AGBL1: variants seen among roughly 807,000 people sequenced by gnomAD.
AGBL1 encodes cytosolic carboxypeptidase 4.
AGBL1 carries 130 observed loss-of-function variants against 118.9 expected under a neutral mutation model. That is an observed-to-expected ratio of 1.09 (90% CI 0.95 to 1.26). The LOEUF (loss-of-function observed/expected upper bound fraction) is 1.26. Among genes scored for constraint, AGBL1 ranks in the 50% most tolerant of loss-of-function variants. AGBL1 has a pLI of 0.00. For missense variants in AGBL1, 1,584 were observed against 1,298.1 expected (o/e 1.22, Z -3.38); for synonymous variants, 555 against 478.9 (o/e 1.16, Z -2.08).
At chr15:86,720,341 T>A (rs1442797155) in intron 22 of AGBL1, among the ~76,000 whole-genome samples, 3 of 152,242 alleles carry the variant, frequency 2.0e-5, no homozygotes, top group African/African-American at 7.2e-5. Context: ...TGATTTCTTC[T>A]CTTCAGTTAT....
In AGBL1 at chr15:86,705,510, A is replaced by G. The variant is rs185851828; in HGVS notation, c.3158+31074A>G. Among the ~76,000 whole-genome samples the G allele has an allele frequency of 9.3e-4, 142 of 152,284 alleles. 1 individual carries two copies. The highest frequency in any genetic ancestry group is 3.2e-3 in the African/African-American group (133 of 41,562). ...AGTGTTCTTGCATGGCAAGACCTCC[A>G]TATGTATTGGCTGAATTACTGGAAA... On this transcript the variant is annotated intron_variant, in intron 22 of 22. Coordinates refer to ENST00000614907, the MANE Select transcript of AGBL1 (RefSeq NM_001386094.1).
chr15:86,146,944 T>C (rs375419972), intron 3 of AGBL1, among the ~76,000 whole-genome samples: 7 of 152,326 alleles, frequency 4.6e-5, no homozygotes, highest in African/African-American at 1.7e-4. Flanking sequence ...CTGATAGTGA[T>C]GTATTCTTGC....
chr15:86,310,121 T>G (rs1345454090), intron 17 of AGBL1, among the ~76,000 whole-genome samples: 1 of 152,216 alleles, frequency 6.6e-6, no homozygotes, highest in African/African-American at 2.4e-5. Flanking sequence ...ATTGGTCTTC[T>G]GTTAATATTT....
chr15:86,774,383 A>G (rs1281138200), intron 22 of AGBL1, among the ~76,000 whole-genome samples: 2 of 152,186 alleles, frequency 1.3e-5, no homozygotes, highest in Non-Finnish European at 2.9e-5. Context: ...TGGTTGGGAC[A>G]TAGAAAAAGG....
intron 1 of AGBL1, among the ~76,000 whole-genome samples, chr15:86,137,947 T>C (rs1398646414): frequency 6.6e-6 from 1 of 152,258 alleles, no homozygotes; most frequent in African/African-American, 2.4e-5. Flanking sequence ...CCCAGTTCTA[T>C]ATCCCTGTTG....
intron 20 of AGBL1, among the ~76,000 whole-genome samples, chr15:86,549,841 AAG>A (rs2083639856): frequency 1.4e-5 from 2 of 139,496 alleles, no homozygotes; most frequent in African/African-American, 5.2e-5. Flanking sequence ...GAAGGTAGGA[AAG>A]AGGACAGGAG....
intron 17 of AGBL1, among the ~76,000 whole-genome samples, chr15:86,393,770 T>C (rs2081322051): frequency 6.6e-6 from 1 of 152,088 alleles, no homozygotes; most frequent in South Asian, 2.1e-4. Flanking sequence ...AATATGTATG[T>C]CCTCCCAAAA....
chr15:86,572,608 C>G (rs535164158), intron 21 of AGBL1, among the ~76,000 whole-genome samples: 2 of 152,164 alleles, frequency 1.3e-5, no homozygotes, highest in Non-Finnish European at 2.9e-5. Context: ...GCCAGAGCTG[C>G]GGAGGCTCTG....
intron 19 of AGBL1, among the ~76,000 whole-genome samples, chr15:86,535,531 C>G (rs919977680): frequency 2.0e-5 from 3 of 152,226 alleles, no homozygotes; most frequent in African/African-American, 7.2e-5. Context: ...CCTCTTGGCT[C>G]TCACTATGTG....
At chr15:86,917,536 C>T (rs1354166542), downstream of AGBL1, among the ~76,000 whole-genome samples, 2 of 152,216 alleles carry the variant, frequency 1.3e-5, no homozygotes, top group Non-Finnish European at 2.9e-5. This position sits in a 1 kb window ranked among gnomAD's most constrained non-coding sequence, Gnocchi z 4.8. Flanking sequence ...AGACAGACAG[C>T]AGTGACCTAG....
chr15:86,952,441 C>T (rs945822020), intron 23 of AGBL1, among the ~76,000 whole-genome samples: 4 of 152,066 alleles, frequency 2.6e-5, no homozygotes, highest in African/African-American at 9.7e-5. Context: ...ATAATTGACA[C>T]TTAATGTGAT....
intron 19 of AGBL1, among the ~76,000 whole-genome samples, chr15:86,543,853 G>A (rs1835754488): frequency 6.6e-6 from 1 of 152,080 alleles, no homozygotes. Flanking sequence ...GTGTTACTGG[G>A]GATATTATTT....
At chr15:86,878,647 C>G (rs1255564562) in intron 22 of AGBL1, among the ~76,000 whole-genome samples, 4 of 152,154 alleles carry the variant, frequency 2.6e-5, no homozygotes, top group Admixed American at 1.3e-4. Context: ...GTAATGTAAT[C>G]ATCTGCACCC....
At chr15:86,941,656 T>C (rs1043331465) in intron 23 of AGBL1, among the ~76,000 whole-genome samples, 9 of 152,196 alleles carry the variant, frequency 5.9e-5, no homozygotes, top group African/African-American at 2.2e-4. Flanking sequence ...TGGAATTTGC[T>C]GGAAAACTGC....
At chr15:86,535,495 G>A (rs545615013) in intron 19 of AGBL1, among the ~76,000 whole-genome samples, 2 of 152,348 alleles carry the variant, frequency 1.3e-5, no homozygotes, top group South Asian at 4.1e-4. Context: ...TGGGGCTTCA[G>A]AAATGGGAAT....
chr15:86,667,277 T>C (rs1382435556), intron 21 of AGBL1, among the ~76,000 whole-genome samples: 11 of 151,980 alleles, frequency 7.2e-5, no homozygotes, highest in Non-Finnish European at 1.3e-4. Context: ...TATCTGTCTA[T>C]CTTTGCTGTT....
rs2080392528 is a variant in AGBL1, at chr15:86,914,331, C to T, written c.*7037C>T. 1 of 152,182 alleles carries T rather than the reference C, an allele frequency of 6.6e-6. No individual in the cohort carries two copies. Among genetic ancestry groups the T allele is most frequent in the Admixed American group, 6.5e-5 (1 of 15,280 alleles). The allele number at this position is 152,182 out of a possible 1,614,324, so 9.4% of individuals were successfully genotyped here. ...TGTTTCTGCTCTGCTCAGACAATCA[C>T]ATAAGTGACTCATTTCACTCTCAGT... On this transcript the variant is annotated 3_prime_UTR_variant, in exon 23 of 23. Coordinates refer to ENST00000614907, the MANE Select transcript of AGBL1 (RefSeq NM_001386094.1).
chr15:86,088,877 C>G (rs1220472196), intron 1 of AGBL1, among the ~76,000 whole-genome samples: 1 of 152,122 alleles, frequency 6.6e-6, no homozygotes, highest in East Asian at 1.9e-4. Flanking sequence ...TGCATATTCT[C>G]TAATATTTGT....
intron 22 of AGBL1, among the ~76,000 whole-genome samples, chr15:86,787,223 C>G (rs1028163365): frequency 1.3e-5 from 2 of 152,124 alleles, no homozygotes; most frequent in Admixed American, 1.3e-4. Flanking sequence ...CATAACCTTC[C>G]ATAGTTACCC....
Sources: gnomAD v4.1 joint callset for allele counts (sites outside exome capture counted in the v4.1 genomes callset) on GRCh38, gnomAD v4.1.1 for gene constraint, Gnocchi (gnomAD v3.1) non-coding constraint, MANE v1.5 for transcripts, NCBI Gene and HGNC (gene_info 2026-07-23, HGNC 2026-07-21) for gene names.